LRRTM4: variants seen among roughly 807,000 people sequenced by gnomAD.
The protein encoded by LRRTM4 is leucine-rich repeat transmembrane neuronal protein 4.
A neutral mutation model predicts 47.6 loss-of-function variants in LRRTM4; 25 were observed. That is an observed-to-expected ratio of 0.53 (90% CI 0.38 to 0.73). LRRTM4 has a LOEUF of 0.73. Among genes scored for constraint, LRRTM4 ranks in the 30% least tolerant of loss-of-function variants. LRRTM4 has a pLI of 0.00. For synonymous variants in LRRTM4, 311 were observed against 269.5 expected (o/e 1.15, Z -1.51); for missense variants, 638 against 713.4 (o/e 0.89, Z 1.20).
intron 3 of LRRTM4, among the ~76,000 whole-genome samples, chr2:77,177,004 G>A (rs567169501): frequency 6.6e-6 from 1 of 152,080 alleles, no homozygotes; most frequent in African/African-American, 2.4e-5. Flanking sequence ...CTGAAAAAGG[G>A]AACAACCCTC....
intron 3 of LRRTM4, among the ~76,000 whole-genome samples, chr2:76,884,156 G>A (rs995106706): frequency 6.6e-6 from 1 of 152,092 alleles, no homozygotes; most frequent in East Asian, 1.9e-4. Flanking sequence ...TGAGCATTTT[G>A]TAACAAGCAT....
chr2:77,479,547 A>G (rs924492848), intron 3 of LRRTM4, among the ~76,000 whole-genome samples: 1 of 152,188 alleles, frequency 6.6e-6, no homozygotes, highest in Non-Finnish European at 1.5e-5. Context: ...CTAACAGACA[A>G]GTGTCTTTGA....
chr2:77,351,385 T>G (rs1204329542), intron 3 of LRRTM4, among the ~76,000 whole-genome samples: 2 of 151,882 alleles, frequency 1.3e-5, no homozygotes, highest in East Asian at 3.8e-4. Context: ...AAGATGTAAG[T>G]GTAATGATGT....
chr2:76,753,254 T>C (rs1453613048), intron 3 of LRRTM4, among the ~76,000 whole-genome samples: 2 of 152,152 alleles, frequency 1.3e-5, no homozygotes. Flanking sequence ...TTGACCTCTA[T>C]AAATTTCAGA....
intron 3 of LRRTM4, among the ~76,000 whole-genome samples, chr2:76,792,411 T>C (rs1675023587): frequency 6.6e-6 from 1 of 152,172 alleles, no homozygotes; most frequent in South Asian, 2.1e-4. Context: ...ATCATCTACC[T>C]GACACATCTT....
At chr2:77,373,496 AT>A (rs1411448930) in intron 3 of LRRTM4, among the ~76,000 whole-genome samples, 1 of 151,606 alleles carries the variant, frequency 6.6e-6, no homozygotes, top group East Asian at 1.9e-4. Flanking sequence ...CTCCACCTTC[AT>A]TTTTTTACCT....
intron 3 of LRRTM4, among the ~76,000 whole-genome samples, chr2:77,161,166 G>T (rs918023057): frequency 6.6e-6 from 1 of 152,028 alleles, no homozygotes; most frequent in Non-Finnish European, 1.5e-5. Flanking sequence ...TTCCCATCTT[G>T]CTTGCCATAG....
intron 3 of LRRTM4, chr2:77,008,932 C>T (rs1277917213): frequency 2.4e-5 from 3 of 123,616 alleles, no homozygotes; most frequent in Non-Finnish European, 3.2e-5. Context: ...ATATTGGAGC[C>T]AACAAGAAAA....
intron 3 of LRRTM4, among the ~76,000 whole-genome samples, chr2:77,142,661 G>T (rs1019375991): frequency 6.6e-6 from 1 of 152,060 alleles, no homozygotes; most frequent in Non-Finnish European, 1.5e-5. Context: ...ATTGACCTCA[G>T]AATCATATGA....
intron 3 of LRRTM4, among the ~76,000 whole-genome samples, chr2:76,942,632 A>G (rs1201771033): frequency 2.0e-5 from 3 of 150,852 alleles, no homozygotes; most frequent in Non-Finnish European, 4.4e-5. Flanking sequence ...ATGTTTTACT[A>G]TATTTACAAT....
In LRRTM4 at chr2:76,847,087, G is replaced by C. The variant is rs773688216; in HGVS notation, c.1552-98171C>G. 1.4e-3 allele frequency among the ~76,000 whole-genome samples: 207 copies of C among 152,238 alleles called. 1 individual carries two copies. The highest frequency in any genetic ancestry group is 1.9e-3 in the Non-Finnish European group (130 of 67,994). On this transcript the variant is annotated intron_variant, in intron 3 of 3. Coordinates refer to ENST00000409884, the MANE Select transcript of LRRTM4 (RefSeq NM_001134745.3). Reference sequence around the variant, plus strand: ...TAGATTAGATATCAAGAACCAACTAGAGCAGTCTGCTTTTAAGTGGAGTCC... The same window carrying C: ...TAGATTAGATATCAAGAACCAACTACAGCAGTCTGCTTTTAAGTGGAGTCC...
intron 3 of LRRTM4, 51 bp from the exon 4 acceptor site, chr2:76,748,967 G>A: frequency 2.0e-6 from 3 of 1,464,950 alleles, no homozygotes; most frequent in Non-Finnish European, 1.9e-6. Context: ...GCTTTGGAAA[G>A]ATAGGACAGC....
intron 3 of LRRTM4, among the ~76,000 whole-genome samples, chr2:76,931,507 G>A (rs978892028): frequency 6.6e-6 from 1 of 151,936 alleles, no homozygotes; most frequent in Non-Finnish European, 1.5e-5. Flanking sequence ...TGCTGTGCCC[G>A]TAATGTGCCT....
At chr2:77,253,186 A>G (rs1675669598) in intron 3 of LRRTM4, among the ~76,000 whole-genome samples, 1 of 152,156 alleles carries the variant, frequency 6.6e-6, no homozygotes, top group Non-Finnish European at 1.5e-5. Context: ...ATTTTCAAAC[A>G]TAAAAAATAT....
chr2:77,421,694 G>A (rs1393314881), intron 3 of LRRTM4, among the ~76,000 whole-genome samples: 7 of 151,088 alleles, frequency 4.6e-5, no homozygotes, highest in African/African-American at 1.7e-4. Flanking sequence ...GCGGCAGAGG[G>A]AGACTCCATC....
At chr2:77,059,144 C>A (rs1679703378) in intron 3 of LRRTM4, among the ~76,000 whole-genome samples, 1 of 152,076 alleles carries the variant, frequency 6.6e-6, no homozygotes, top group South Asian at 2.1e-4. Context: ...TAAATTTATT[C>A]TTTTATACAT....
chr2:77,006,973 G>T (rs1237912806), intron 3 of LRRTM4, among the ~76,000 whole-genome samples: 2 of 152,112 alleles, frequency 1.3e-5, no homozygotes, highest in East Asian at 3.9e-4. Flanking sequence ...GAGGACAAAA[G>T]ATGAGCTTTA....
intron 3 of LRRTM4, among the ~76,000 whole-genome samples, chr2:77,069,148 G>C (rs139350963): frequency 4.6e-3 from 693 of 152,236 alleles, no homozygotes; most frequent in African/African-American, 0.015. Flanking sequence ...TGAGACCCCT[G>C]ATTTCCACTT....
intron 3 of LRRTM4, among the ~76,000 whole-genome samples, chr2:77,021,063 A>G (rs1234542133): frequency 6.6e-6 from 1 of 152,140 alleles, no homozygotes; most frequent in Non-Finnish European, 1.5e-5. Flanking sequence ...ATAAGAAGCC[A>G]CTAAAGGAAC....
Sources: allele counts gnomAD v4.1 joint callset (sites outside exome capture counted in the v4.1 genomes callset), GRCh38; gene constraint gnomAD v4.1.1; transcripts MANE v1.5; gene names NCBI Gene and HGNC (gene_info 2026-07-23, HGNC 2026-07-21).